The following U2SURP variants were observed in gnomAD, a reference collection of about 807,000 sequenced individuals.
U2SURP encodes U2 snRNP-associated SURP motif-containing protein.
Under a neutral mutation model 144.9 loss-of-function variants are expected in U2SURP, and 9 were observed. The ratio of observed to expected loss-of-function variants is 0.06; its 90% CI spans 0.04 to 0.11. U2SURP has a LOEUF of 0.11. Ranked by LOEUF, U2SURP falls within the 10% of genes least tolerant of loss-of-function variation. The pLI, the probability that U2SURP is intolerant of heterozygous loss-of-function variation, is 1.00. For synonymous variants in U2SURP, 408 were observed against 396.8 expected (o/e 1.03, Z -0.33); for missense variants, 724 against 1,226.7 (o/e 0.59, Z 6.12).
rs747914265 is a variant in U2SURP at position 143,014,315 on chromosome 3, T to C, written c.227T>C (p.Leu76Pro). 2.5e-6 allele frequency: 4 copies of C among 1,597,784 alleles called. No homozygotes were observed. The highest frequency in any genetic ancestry group is 2.3e-5 in the South Asian group (2 of 88,050). Reference protein sequence around the residue: ...DSPHQNLSRPLLENKLKAFSI... With the variant: ...DSPHQNLSRPPLENKLKAFSI... The stretch of plus-strand genomic sequence containing the variant: ...AGTATGCTTTTTATTTCTTAGCCTC[T>C]TCTGGAAAACAAACTTAAAGCATTC... The change falls in exon 4 of 28, where the codon CTT becomes CCT. Residue 76 changes from leucine (L) to proline (P), a missense_variant. This residue lies in a region of U2SURP where 127 missense variants were observed against 98.2 expected (regional missense o/e 1.29). Transcript: ENST00000473835.
At chr3:143,005,688 A>G (rs1433192972) in intron 1 of U2SURP, among the ~76,000 whole-genome samples, 1 of 152,142 alleles carries the variant, frequency 6.6e-6, no homozygotes, top group Non-Finnish European at 1.5e-5. Context: ...CTGAAAGTCC[A>G]GTTTTTATTT....
chr3:143,037,573 G>A (rs780766984), intron 21 of U2SURP, among the ~76,000 whole-genome samples: 6 of 151,990 alleles, frequency 3.9e-5, no homozygotes, highest in Non-Finnish European at 8.8e-5. Flanking sequence ...TCTTTGCTGG[G>A]ACAATCAGCC....
At chr3:143,021,211 A>G (rs560849350) in intron 8 of U2SURP, 139 bp from the exon 9 acceptor site, 7 of 968,502 alleles carry the variant, frequency 7.2e-6, no homozygotes, top group African/African-American at 1.7e-5. Flanking sequence ...AACAACAACA[A>G]CAGAGTTGTG....
At position 143,055,113 on chromosome 3, in the gene U2SURP, C is replaced by G. The variant is rs748263321; in HGVS notation, c.2945C>G (p.Ala982Gly). Residue 982 changes from alanine (A) to glycine (G), a missense_variant, in exon 27 of 28, where the codon GCC becomes GGC. Ala to Gly is a moderately conservative substitution (Grantham distance 60). This residue lies in a region of U2SURP where 129 missense variants were observed against 196.1 expected (regional missense o/e 0.66). Coordinates refer to ENST00000473835, the MANE Select transcript of U2SURP (RefSeq NM_001080415.2). ...KDSPRDVSKK[A>G]KRSPSGSRTP... ...TCTCCTAGAGATGTTAGCAAAAAAG[C>G]CAAAAGGTAAATGCAAGTCATTTTT... is the stretch of plus-strand genomic sequence containing the variant. The G allele has an allele frequency of 6.3e-7, 1 of 1,588,878 alleles. No individual in the cohort carries two copies. Among genetic ancestry groups the G allele is most frequent in the South Asian group, 1.2e-5 (1 of 85,318 alleles).
chr3:143,018,226 G>A (rs115378479), intron 6 of U2SURP, among the ~76,000 whole-genome samples: 90 of 151,742 alleles, frequency 5.9e-4, no homozygotes, highest in African/African-American at 2.1e-3. Context: ...TTCAGTCCCT[G>A]ACAGCCTACT....
At chr3:143,013,313 T>C (rs964607550) in intron 3 of U2SURP, among the ~76,000 whole-genome samples, 7 of 152,098 alleles carry the variant, frequency 4.6e-5, no homozygotes, top group Non-Finnish European at 8.8e-5. Flanking sequence ...CTTTCTATTT[T>C]GAGAAAATTT....
chr3:143,031,340 CCT>C (rs1007476668), intron 16 of U2SURP, among the ~76,000 whole-genome samples: 8 of 128,350 alleles, frequency 6.2e-5, no homozygotes, highest in African/African-American at 2.4e-4. Context: ...AGAGAAATCC[CCT>C]GTGATGAGAA....
intron 19 of U2SURP, 144 bp downstream of exon 19, chr3:143,035,119 G>C (rs909910174): frequency 2.2e-6 from 1 of 451,710 alleles, no homozygotes. Flanking sequence ...TTAAAATTCT[G>C]TCGTTTTTGT....
intron 3 of U2SURP, 21 bp from the exon 4 acceptor site, chr3:143,014,290 A>T: frequency 6.6e-7 from 1 of 1,519,992 alleles, no homozygotes; most frequent in Non-Finnish European, 9.0e-7. Flanking sequence ...TATATGTAAA[A>T]GTATGCTTTT....
intron 13 of U2SURP, chr3:143,026,068 A>G (rs962795697): frequency 6.6e-6 from 1 of 152,102 alleles, no homozygotes; most frequent in African/African-American, 2.4e-5. Context: ...GCTTTTCCCA[A>G]TTGTTATTTG....
At position 143,053,646 on chromosome 3, in the gene U2SURP, C is replaced by T. The variant is rs1560208959; in HGVS notation, c.2656-30C>T. 4 of 1,170,890 alleles carry T rather than the reference C, an allele frequency of 3.4e-6. No homozygotes were observed. In the African/African-American group the frequency reaches 4.7e-5, roughly 14 times the overall value. The allele number at this position is 1,170,890 out of a possible 1,614,324, so 72.5% of individuals were successfully genotyped here. On this transcript the variant is annotated intron_variant, in intron 25 of 27. Coordinates refer to ENST00000473835, the MANE Select transcript of U2SURP (RefSeq NM_001080415.2). ...ATTAACCCACATTGATATTTTTAAA[C>T]AACTTAATATTTTCTATAAAAAATA...
intron 14 of U2SURP, among the ~76,000 whole-genome samples, chr3:143,027,489 C>T (rs1362785502): frequency 6.6e-6 from 1 of 152,146 alleles, no homozygotes; most frequent in Non-Finnish European, 1.5e-5. Flanking sequence ...CTTTCTGTCT[C>T]TTAGTAATTT....
At chr3:143,031,954 T>C (rs1163493065) in intron 16 of U2SURP, among the ~76,000 whole-genome samples, 1 of 152,136 alleles carries the variant, frequency 6.6e-6, no homozygotes, top group African/African-American at 2.4e-5. Flanking sequence ...TTTTGGAAAA[T>C]AAAGTTTTAC....
At chr3:143,039,005 C>A in intron 23 of U2SURP, 45 bp downstream of exon 23, 2 of 1,263,886 alleles carry the variant, frequency 1.6e-6, no homozygotes, top group African/African-American at 1.6e-5. Flanking sequence ...TTCATATACA[C>A]TCCCCTTTTC....
intron 24 of U2SURP, 117 bp from the exon 25 acceptor site, chr3:143,050,822 G>C: frequency 1.6e-6 from 1 of 636,656 alleles, no homozygotes; most frequent in Non-Finnish European, 2.7e-6. Context: ...CTTCAGGTGA[G>C]GTTATATTTT....
chr3:143,007,443 GA>G, intron 1 of U2SURP, among the ~76,000 whole-genome samples: 1 of 96,726 alleles, frequency 1.0e-5, no homozygotes, highest in African/African-American at 4.6e-5. Flanking sequence ...CCTTTCAAGA[GA>G]TTTTTTTTTT....
intron 1 of U2SURP, among the ~76,000 whole-genome samples, chr3:143,003,677 CTTTTTTTTT>C (rs60505715): frequency 8.9e-5 from 9 of 101,524 alleles, no homozygotes; most frequent in East Asian, 3.0e-4. Flanking sequence ...TATTTTATTT[CTTTTTTTTT>C]TTTTTTTTTT....
intron 18 of U2SURP, among the ~76,000 whole-genome samples, chr3:143,034,176 G>A (rs1429045008): frequency 6.6e-6 from 1 of 152,162 alleles, no homozygotes; most frequent in African/African-American, 2.4e-5. Flanking sequence ...GGCCAAGAAG[G>A]GCTGATTACC....
At chr3:143,011,806 C>T (rs1370741795) in intron 2 of U2SURP, 2 of 333,516 alleles carry the variant, frequency 6.0e-6, no homozygotes, top group East Asian at 7.5e-5. Context: ...ATAAGAAGTA[C>T]GTATAACACT....
Sources: allele counts gnomAD v4.1 joint callset (sites outside exome capture counted in the v4.1 genomes callset), GRCh38; gene constraint gnomAD v4.1.1; regional missense constraint gnomAD v4.1.1; transcripts MANE v1.5; gene names NCBI Gene and HGNC (gene_info 2026-07-23, HGNC 2026-07-21).